ABCG1: variants seen among roughly 807,000 people sequenced by gnomAD.
ABCG1 encodes ATP-binding cassette sub-family G member 1.
Under a neutral mutation model 69.2 loss-of-function variants are expected in ABCG1, and 29 were observed. That is an observed-to-expected ratio of 0.42 (90% CI 0.31 to 0.57). ABCG1 has a LOEUF of 0.57. Ranked by LOEUF, ABCG1 falls within the 20% of genes least tolerant of loss-of-function variation. The pLI is 0.15. For missense variants in ABCG1, 718 were observed against 898.1 expected (o/e 0.80, Z 2.56); for synonymous variants, 370 against 374.8 (o/e 0.99, Z 0.15).
In ABCG1 at chr21:42,225,876, C is replaced by T. The variant is rs777493659; in HGVS notation, c.248C>T (p.Ser83Phe). 1 of 1,613,554 alleles carries T rather than the reference C, an allele frequency of 6.2e-7. No individual in the cohort carries two copies. Among genetic ancestry groups the T allele is most frequent in the Non-Finnish European group, 8.5e-7 (1 of 1,179,966 alleles). Residue 83 changes from serine to phenylalanine, a missense_variant, in exon 2 of 15, where the codon TCC becomes TTC. Transcript: ENST00000398449. ...GTGAACATTGAATTCAGGGACCTTTCCTATTCGGTTCCTGAAGGACCCTGG... is the reference window on the plus strand; with the variant it reads ...GTGAACATTGAATTCAGGGACCTTTTCTATTCGGTTCCTGAAGGACCCTGG... ...AAVNIEFRDLSYSVPEGPWWR... is the reference protein window; with the variant it reads ...AAVNIEFRDLFYSVPEGPWWR...
chr21:42,289,838 G>T (rs536358783), intron 10 of ABCG1, among the ~76,000 whole-genome samples: 3 of 152,306 alleles, frequency 2.0e-5, no homozygotes, highest in African/African-American at 7.2e-5. Context: ...ATATGTGTGT[G>T]AGCAGGCGTG....
chr21:42,267,126 C>T (rs1011002010), intron 2 of ABCG1, among the ~76,000 whole-genome samples: 8 of 152,246 alleles, frequency 5.3e-5, no homozygotes, highest in African/African-American at 1.9e-4. Context: ...AAGGGGGAAA[C>T]AGACACTGAT....
chr21:42,226,710 T>C lies in ABCG1; in HGVS notation c.286+796T>C, dbSNP rs568179080. 2.6e-5 allele frequency among the ~76,000 whole-genome samples: 4 copies of C among 152,310 alleles called. No homozygotes were observed. The South Asian group carries it at 8.3e-4, about 32-fold the overall frequency. ...GCTCCAAGCACTCATTGTCTGCTCC[T>C]AAGTGGATCAGACAGGTGGGTTGGG... On this transcript the variant is annotated intron_variant, in intron 2 of 14. Coordinates refer to ENST00000398449, the MANE Select transcript of ABCG1 (RefSeq NM_016818.3).
intron 1 of ABCG1, among the ~76,000 whole-genome samples, chr21:42,221,793 C>T (rs2067731772): frequency 6.6e-6 from 1 of 152,188 alleles, no homozygotes; most frequent in Non-Finnish European, 1.5e-5. Context: ...TCCTGACTTC[C>T]TCCTAATGCT....
At chr21:42,229,533 CA>C (rs2067870038) in intron 2 of ABCG1, among the ~76,000 whole-genome samples, 1 of 152,058 alleles carries the variant, frequency 6.6e-6, no homozygotes, top group Non-Finnish European at 1.5e-5. Context: ...GCCTGGCCAA[CA>C]TAGTGAAACC....
chr21:42,259,931 G>A, intron 2 of ABCG1: 1 of 1,469,428 alleles, frequency 6.8e-7, no homozygotes, highest in South Asian at 1.4e-5. Flanking sequence ...AAGCTCAGCA[G>A]CTGTGGGTTG....
intron 6 of ABCG1, among the ~76,000 whole-genome samples, chr21:42,283,785 C>G (rs1278852339): frequency 4.0e-5 from 4 of 99,458 alleles, no homozygotes; most frequent in East Asian, 7.6e-4. Flanking sequence ...TACCCCCCAA[C>G]CCAGATGAGT....
At chr21:42,256,355 A>G (rs939014660) in intron 2 of ABCG1, 3 of 1,550,306 alleles carry the variant, frequency 1.9e-6, no homozygotes, top group East Asian at 2.4e-5. Context: ...GGACATGGTC[A>G]GGAGAGGTTG....
intron 2 of ABCG1, among the ~76,000 whole-genome samples, chr21:42,264,790 G>A (rs966528165): frequency 1.2e-4 from 19 of 152,134 alleles, no homozygotes; most frequent in African/African-American, 4.6e-4. Flanking sequence ...GGAGAGAAGA[G>A]ATAGAGGAGC....
In ABCG1 at chr21:42,276,503, C is replaced by T. The variant is rs1201940022; in HGVS notation, c.538-392C>T. ...ATTCAACTGAGATAGCAGGAAGCAT[C>T]GCACATGGACTGCTCTCCTGCCATC... On this transcript the variant is annotated intron_variant, in intron 4 of 14. Coordinates refer to ENST00000398449, the MANE Select transcript of ABCG1 (RefSeq NM_016818.3). The surrounding 1 kb of genome is among the most constrained non-coding windows in gnomAD (Gnocchi z 5.3). 4 of 192,216 alleles carry T rather than the reference C, an allele frequency of 2.1e-5. No homozygotes were observed. Among genetic ancestry groups the T allele is most frequent in the South Asian group, 1.2e-4 (1 of 8,204 alleles). 11.9% of individuals were successfully genotyped at this position (192,216 alleles called of 1,614,324 possible).
At position 42,219,201 on chromosome 21, in the gene ABCG1, C is replaced by A; in HGVS notation, c.-62C>A. 1.4e-6 allele frequency: 2 copies of A among 1,391,500 alleles called. No individual in the cohort carries two copies. Among genetic ancestry groups the A allele is most frequent in the East Asian group, 3.2e-5 (1 of 31,020 alleles). 86.2% of individuals were successfully genotyped at this position (1,391,500 alleles called of 1,614,324 possible). On this transcript the variant is annotated 5_prime_UTR_variant, in exon 1 of 15. Coordinates refer to ENST00000398449, the MANE Select transcript of ABCG1 (RefSeq NM_016818.3). The surrounding 1 kb of genome is among the most constrained non-coding windows in gnomAD (Gnocchi z 5.3). ...GAGCCGGGAGCCAGCGCAGCCTCGG[C>A]CCCGCAGCTCAAGCCTCGTCCCCGC...
At chr21:42,231,061 T>C (rs2067894293) in intron 2 of ABCG1, among the ~76,000 whole-genome samples, 1 of 152,214 alleles carries the variant, frequency 6.6e-6, no homozygotes, top group Non-Finnish European at 1.5e-5. Flanking sequence ...TGTAAACTGA[T>C]GTATTTTCCT....
chr21:42,294,052 A>G (rs2146357545), intron 13 of ABCG1, among the ~76,000 whole-genome samples: 2 of 151,986 alleles, frequency 1.3e-5, no homozygotes, highest in Middle Eastern at 6.8e-3. Flanking sequence ...CTCACTGTGA[A>G]CCCTGAGTCG....
rs2234716 is a variant in ABCG1 at position 42,219,222 on chromosome 21, CCCG to C, written c.-11_-9del. The C allele has an allele frequency of 0.013, 17,477 of 1,371,458 alleles. 483 individuals carry two copies. Among genetic ancestry groups the C allele is most frequent in the African/African-American group, 0.12 (7,654 of 66,396 alleles). The allele number at this position is 1,371,458 out of a possible 1,614,324, so 85.0% of individuals were successfully genotyped here. A position where few individuals can be genotyped will look rare whatever the true frequency, so the allele number is the denominator to read the frequency against. On this transcript the variant is annotated 5_prime_UTR_variant, in exon 1 of 15. Transcript: ENST00000398449. This position sits in a 1 kb window ranked among gnomAD's most constrained non-coding sequence, Gnocchi z 5.3. ...TCGGCCCCGCAGCTCAAGCCTCGTCCCCGCCGCCGCCGCCGCCGCCGCCGCCGC... is the reference window on the plus strand; with the variant it reads ...TCGGCCCCGCAGCTCAAGCCTCGTCCCCGCCGCCGCCGCCGCCGCCGCCGC...
At position 42,207,371 on chromosome 21, in the gene ABCG1, T is replaced by A. The variant is rs150155594; in HGVS notation, c.48+5648T>A. ...ACTTTCCATTCTGCTATTAAGCCCA[T>A]CTGCTGAGTTTTTAATATTGGTAAT... On this transcript the variant is annotated intron_variant, in intron 2 of 15. Coordinates refer to the ABCG1 transcript ENST00000398457. 7.2e-3 allele frequency among the ~76,000 whole-genome samples: 1,090 copies of A among 152,372 alleles called. 17 individuals carry two copies. Among genetic ancestry groups the A allele is most frequent in the African/African-American group, 0.025 (1,037 of 41,588 alleles).
intron 5 of ABCG1, among the ~76,000 whole-genome samples, chr21:42,279,435 A>T (rs4148125): frequency 0.2 from 30,356 of 152,114 alleles, 3,108 homozygotes; most frequent in South Asian, 0.3. Flanking sequence ...AGAGCTGAGC[A>T]CACGGGGGAG....
chr21:42,265,538 A>G (rs1357928317), intron 2 of ABCG1, among the ~76,000 whole-genome samples: 4 of 152,156 alleles, frequency 2.6e-5, no homozygotes. Flanking sequence ...GAGTCAAGGA[A>G]CACCTGGAGC....
intron 2 of ABCG1, chr21:42,201,744 G>C (rs1483269546): frequency 6.2e-7 from 1 of 1,613,704 alleles, no homozygotes; most frequent in South Asian, 1.1e-5. Flanking sequence ...AAGAGACAGG[G>C]AAGGATTTGG....
In ABCG1 at chr21:42,254,289, C is replaced by T. The variant is rs60244682; in HGVS notation, c.287-16781C>T. 9.9e-3 allele frequency among the ~76,000 whole-genome samples: 1,508 copies of T among 152,290 alleles called. 30 individuals are homozygous for T. Among genetic ancestry groups the T allele is most frequent in the African/African-American group, 0.034 (1,433 of 41,560 alleles). ...TGGACTTCAGAGCACAGCATCCGTT[C>T]GAAATCCAGCGGCAGATTTTCATAG... On this transcript the variant is annotated intron_variant, in intron 2 of 14. Transcript: ENST00000398449.
Sources: allele counts gnomAD v4.1 joint callset (sites outside exome capture counted in the v4.1 genomes callset), GRCh38; gene constraint gnomAD v4.1.1; non-coding constraint Gnocchi (gnomAD v3.1); transcripts MANE v1.5; gene names NCBI Gene and HGNC (gene_info 2026-07-23, HGNC 2026-07-21).